Variants in SCRG1 observed in about 807,000 individuals in gnomAD.
The protein encoded by SCRG1 is scrapie-responsive protein 1.
In SCRG1, 3 loss-of-function variants were observed where a neutral mutation model predicts 7.7. That is an observed-to-expected ratio of 0.39 (90% CI 0.18 to 1.01). The LOEUF is 1.01. Ranked by LOEUF, SCRG1 falls within the 50% of genes least tolerant of loss-of-function variation. The pLI, the probability that SCRG1 is intolerant of heterozygous loss-of-function variation, is 0.36. For synonymous variants in SCRG1, 46 were observed against 41.2 expected (o/e 1.12, Z -0.44); for missense variants, 110 against 117.2 (o/e 0.94, Z 0.28).
chr4:173,421,183 G>A, the SCRG1 span, among the ~76,000 whole-genome samples: 3 of 152,056 alleles, frequency 2.0e-5, no homozygotes, highest in African/African-American at 7.3e-5. Context: ...TTGATAGATT[G>A]ATTAGTTCAA....
chr4:173,405,840 C>T (rs1739889385), intron 1 of SCRG1, among the ~76,000 whole-genome samples: 1 of 152,124 alleles, frequency 6.6e-6, no homozygotes, highest in African/African-American at 2.4e-5. Context: ...TTGTGTATTT[C>T]CTGTCCCAGT....
At chr4:173,472,428 A>G in the SCRG1 span, among the ~76,000 whole-genome samples, 3 of 152,216 alleles carry the variant, frequency 2.0e-5, no homozygotes, top group Non-Finnish European at 2.9e-5. Context: ...TTATCATAAG[A>G]AATTTGCTCA....
chr4:173,396,712 TTGTG>T (rs71594043), intron 1 of SCRG1, among the ~76,000 whole-genome samples: 105 of 107,014 alleles, frequency 9.8e-4, no homozygotes, highest in African/African-American at 2.0e-3. Flanking sequence ...ACTGGTAGTT[TTGTG>T]TGTGTGTGTG....
rs1374849928 is a variant in SCRG1, at chr4:173,387,841, A to G, written c.*500T>C. ...GACCCTCTTGAGTAACTAGAACTAC[A>G]GATGTGGGCACCCACAACCTGCTAA... is the stretch of plus-strand genomic sequence containing the variant. On this transcript the variant is annotated 3_prime_UTR_variant, in exon 3 of 3. Coordinates refer to ENST00000296506, the MANE Select transcript of SCRG1 (RefSeq NM_007281.4). 1 of 149,894 alleles carries G rather than the reference A, an allele frequency of 6.7e-6. No homozygotes were observed. The highest frequency in any genetic ancestry group is 1.5e-5 in the Non-Finnish European group (1 of 67,814). 9.3% of individuals were successfully genotyped at this position (149,894 alleles called of 1,614,324 possible).
chr4:173,464,425 C>A, the SCRG1 span, among the ~76,000 whole-genome samples: 8 of 152,122 alleles, frequency 5.3e-5, no homozygotes, highest in Non-Finnish European at 8.8e-5. Flanking sequence ...TCTCAATTAA[C>A]AAAATAACCA....
chr4:173,420,689 T>A, the SCRG1 span, among the ~76,000 whole-genome samples: 6 of 151,396 alleles, frequency 4.0e-5, no homozygotes, highest in Admixed American at 3.3e-4. Flanking sequence ...TATGACCTAG[T>A]CTTGGGAGCC....
chr4:173,446,122 A>G, the SCRG1 span, among the ~76,000 whole-genome samples: 1 of 152,208 alleles, frequency 6.6e-6, no homozygotes, highest in East Asian at 1.9e-4. Flanking sequence ...ATACAGAATT[A>G]TAAGATAATG....
chr4:173,446,357 C>A, the SCRG1 span, among the ~76,000 whole-genome samples: 1 of 152,142 alleles, frequency 6.6e-6, no homozygotes, highest in African/African-American at 2.4e-5. Context: ...GCAATGACAC[C>A]TAACTCTACT....
At chr4:173,454,092 AAG>A in the SCRG1 span, among the ~76,000 whole-genome samples, 1 of 151,550 alleles carries the variant, frequency 6.6e-6, no homozygotes, top group Non-Finnish European at 1.5e-5. Context: ...AAAAAAAAAA[AAG>A]AACTGACCAC....
upstream of SCRG1, among the ~76,000 whole-genome samples, chr4:173,401,573 T>G (rs1365286524): frequency 6.6e-6 from 1 of 152,214 alleles, no homozygotes; most frequent in Non-Finnish European, 1.5e-5. Context: ...GTGTCTGAAT[T>G]CATAGCTGCT....
the SCRG1 span, among the ~76,000 whole-genome samples, chr4:173,481,365 A>G: frequency 1.3e-5 from 2 of 152,204 alleles, no homozygotes; most frequent in Non-Finnish European, 2.9e-5. Flanking sequence ...AGTTAATTGA[A>G]GCATAGTGAG....
the SCRG1 span, among the ~76,000 whole-genome samples, chr4:173,510,931 C>G: frequency 6.6e-6 from 1 of 152,128 alleles, no homozygotes; most frequent in African/African-American, 2.4e-5. This position sits in a 1 kb window ranked among gnomAD's most constrained non-coding sequence, Gnocchi z 5.7. Flanking sequence ...AAAGAATAAC[C>G]AAGATAAAGT....
intron 2 of SCRG1, among the ~76,000 whole-genome samples, chr4:173,389,395 G>C (rs986942505): frequency 2.6e-5 from 4 of 152,262 alleles, no homozygotes; most frequent in Admixed American, 2.6e-4. Flanking sequence ...AATTAGCCGG[G>C]CGAGGTGGCG....
chr4:173,503,174 C>T, the SCRG1 span, among the ~76,000 whole-genome samples: 1,939 of 152,250 alleles, frequency 0.013, 47 homozygotes, highest in African/African-American at 0.044. The surrounding 1 kb of genome is among the most constrained non-coding windows in gnomAD (Gnocchi z 6.4). Context: ...CTGTGTCGTT[C>T]CCACTCCCAA....
At chr4:173,450,504 A>G in the SCRG1 span, among the ~76,000 whole-genome samples, 1 of 152,106 alleles carries the variant, frequency 6.6e-6, no homozygotes, top group South Asian at 2.1e-4. Context: ...ATTAGTTGAG[A>G]GCATGGGCAG....
At position 173,389,515 on chromosome 4, in the gene SCRG1, A is replaced by G. The variant is rs190384702; in HGVS notation, c.243-1120T>C. The G allele has an allele frequency of 1.4e-4, 26 of 181,526 alleles. No individual in the cohort carries two copies. The South Asian group carries it at 1.7e-3, about 12-fold the overall frequency. The allele number at this position is 181,526 out of a possible 1,614,324, so 11.2% of individuals were successfully genotyped here. On this transcript the variant is annotated intron_variant, in intron 2 of 2. Coordinates refer to ENST00000296506, the MANE Select transcript of SCRG1 (RefSeq NM_007281.4). ...CGTGCCACTGCACTCCAGCCTGGGC[A>G]ACAGAGCAAGATTCCGTCTCAAAAC...
At chr4:173,450,749 T>A in the SCRG1 span, among the ~76,000 whole-genome samples, 1 of 152,170 alleles carries the variant, frequency 6.6e-6, no homozygotes, top group Non-Finnish European at 1.5e-5. Flanking sequence ...CCTTATCAGC[T>A]CTTCTTTGAG....
At chr4:173,476,996 G>A in the SCRG1 span, among the ~76,000 whole-genome samples, 1 of 152,138 alleles carries the variant, frequency 6.6e-6, no homozygotes, top group Admixed American at 6.5e-5. Flanking sequence ...ATGTGTATGT[G>A]TTGGTTCCTT....
At chr4:173,450,350 G>C in the SCRG1 span, among the ~76,000 whole-genome samples, 1 of 152,160 alleles carries the variant, frequency 6.6e-6, no homozygotes, top group African/African-American at 2.4e-5. Context: ...ATCATATCAA[G>C]CCTGTACTCC....
Sources: allele counts gnomAD v4.1 joint callset (sites outside exome capture counted in the v4.1 genomes callset), GRCh38; gene constraint gnomAD v4.1.1; non-coding constraint Gnocchi (gnomAD v3.1); transcripts MANE v1.5; gene names NCBI Gene and HGNC (gene_info 2026-07-23, HGNC 2026-07-21).